The following NEBL variants were observed in gnomAD, a reference collection of about 807,000 sequenced individuals.
NEBL encodes the protein LIM and SH3 protein 2.
Under a neutral mutation model 140.2 loss-of-function variants are expected in NEBL, and 122 were observed. The observed-to-expected ratio is 0.87, with a 90% CI of 0.75 to 1.01. The LOEUF is 1.01. Among genes scored for constraint, NEBL ranks in the 50% least tolerant of loss-of-function variants. The pLI, the probability that NEBL is intolerant of heterozygous loss-of-function variation, is 0.00. For missense variants in NEBL, 1,365 were observed against 1,231.3 expected (o/e 1.11, Z -1.62); for synonymous variants, 436 against 398.9 (o/e 1.09, Z -1.11).
At chr10:20,970,494 A>T (rs1471575346) in intron 3 of NEBL, among the ~76,000 whole-genome samples, 1 of 152,006 alleles carries the variant, frequency 6.6e-6, no homozygotes, top group South Asian at 2.1e-4. Context: ...CCAAAAAAAA[A>T]AATTAGCTGG....
At chr10:20,819,599 C>A in intron 19 of NEBL, 83 bp from the exon 20 acceptor site, 8 of 1,473,318 alleles carry the variant, frequency 5.4e-6, no homozygotes, top group Non-Finnish European at 7.6e-6. Context: ...TTTTAAATGT[C>A]ACATGGCTAC....
At chr10:20,929,626 A>G (rs1471544177) in intron 4 of NEBL, among the ~76,000 whole-genome samples, 2 of 152,130 alleles carry the variant, frequency 1.3e-5, no homozygotes, top group Non-Finnish European at 2.9e-5. Flanking sequence ...ACTGGAGGCC[A>G]TTATCGTTAA....
At chr10:20,979,278 T>C (rs1836935215) in intron 3 of NEBL, among the ~76,000 whole-genome samples, 1 of 151,174 alleles carries the variant, frequency 6.6e-6, no homozygotes, top group Admixed American at 6.6e-5. Flanking sequence ...ATAATACACA[T>C]ATAAGATTGT....
At chr10:21,074,799 TTG>T (rs1835992535) in intron 2 of NEBL, among the ~76,000 whole-genome samples, 2 of 80,342 alleles carry the variant, frequency 2.5e-5, no homozygotes, top group African/African-American at 2.9e-4. Context: ...TATATTTTTG[TTG>T]TTGTTGTTGT....
intron 5 of NEBL, among the ~76,000 whole-genome samples, chr10:20,880,400 C>T (rs1008212202): frequency 3.3e-5 from 5 of 152,044 alleles, no homozygotes; most frequent in Admixed American, 3.3e-4. Flanking sequence ...TACAATATAG[C>T]TGGTGTTCAT....
At chr10:20,874,818 T>C (rs151158982) in intron 5 of NEBL, among the ~76,000 whole-genome samples, 100 of 152,206 alleles carry the variant, frequency 6.6e-4, no homozygotes, top group African/African-American at 2.3e-3. Flanking sequence ...CAGCTCACTG[T>C]AACCTCCACC....
At chr10:20,864,502 G>A (rs1225163394) in intron 7 of NEBL, among the ~76,000 whole-genome samples, 1 of 152,132 alleles carries the variant, frequency 6.6e-6, no homozygotes. Context: ...CAGATAAAAG[G>A]TGAGAATCCT....
At chr10:21,023,457 G>A (rs1375405114) in intron 2 of NEBL, among the ~76,000 whole-genome samples, 1 of 152,126 alleles carries the variant, frequency 6.6e-6, no homozygotes, top group African/African-American at 2.4e-5. Flanking sequence ...ACTTTGGGAG[G>A]ACGAGGCAGG....
At chr10:20,907,471 G>T (rs1340292) in intron 4 of NEBL, among the ~76,000 whole-genome samples, 112,134 of 152,006 alleles carry the variant, frequency 0.74, 41,645 homozygotes, top group African/African-American at 0.82. Context: ...ATAAACATTC[G>T]ATAATTCTCT....
chr10:21,258,848 C>T (rs1842699143), intron 1 of NEBL, among the ~76,000 whole-genome samples: 1 of 152,198 alleles, frequency 6.6e-6, no homozygotes, highest in Admixed American at 6.5e-5. Context: ...CCACTGCACT[C>T]TGGCCTGGGC....
At chr10:20,809,319 C>T (rs1294165092) in intron 25 of NEBL, among the ~76,000 whole-genome samples, 1 of 152,106 alleles carries the variant, frequency 6.6e-6, no homozygotes, top group Non-Finnish European at 1.5e-5. Context: ...GCCAACTATG[C>T]TTGCCATGTA....
At chr10:21,172,561 C>A in intron 1 of NEBL, 2 of 910,242 alleles carry the variant, frequency 2.2e-6, no homozygotes, top group South Asian at 1.4e-5. Flanking sequence ...CTTTTTAGTG[C>A]ATCACAGTCC....
intron 3 of NEBL, among the ~76,000 whole-genome samples, chr10:21,240,813 A>G (rs1406333012): frequency 5.3e-5 from 8 of 152,050 alleles, no homozygotes; most frequent in African/African-American, 1.9e-4. Flanking sequence ...TTGTAAGTTT[A>G]GAAGAAAATA....
chr10:21,202,455 C>CTTTT (rs1589327058), intron 3 of NEBL, among the ~76,000 whole-genome samples: 1 of 125,382 alleles, frequency 8.0e-6, no homozygotes, highest in African/African-American at 3.3e-5. Context: ...TTTTTCTTTT[C>CTTTT]TTTTTCTTTT....
intron 23 of NEBL, 98 bp from the exon 24 acceptor site, chr10:20,813,038 C>T: frequency 1.0e-6 from 1 of 990,908 alleles, no homozygotes; most frequent in East Asian, 2.5e-5. Context: ...TGGCTGCGTG[C>T]AGATTGTCTA....
At chr10:21,007,360 C>T (rs1352065302) in intron 3 of NEBL, among the ~76,000 whole-genome samples, 3 of 152,138 alleles carry the variant, frequency 2.0e-5, no homozygotes, top group Admixed American at 6.5e-5. Context: ...TATGGAGGGT[C>T]CTTCAGTGAG....
intron 2 of NEBL, among the ~76,000 whole-genome samples, chr10:21,100,349 G>A (rs572540576): frequency 6.6e-6 from 1 of 152,304 alleles, no homozygotes; most frequent in Admixed American, 6.5e-5. Flanking sequence ...TCGCCACAGT[G>A]AAGAAGCTGA....
At chr10:20,963,888 C>T (rs1467268086) in intron 3 of NEBL, among the ~76,000 whole-genome samples, 1 of 152,180 alleles carries the variant, frequency 6.6e-6, no homozygotes, top group Non-Finnish European at 1.5e-5. Flanking sequence ...CACAGCCAAG[C>T]CTCTTACCCT....
At chr10:20,881,449 A>G (rs927705478) in intron 4 of NEBL, among the ~76,000 whole-genome samples, 3 of 152,184 alleles carry the variant, frequency 2.0e-5, no homozygotes, top group African/African-American at 4.8e-5. Context: ...GCCATCCATT[A>G]CCACCATGTT....
Sources: gnomAD v4.1 joint callset for allele counts (sites outside exome capture counted in the v4.1 genomes callset) on GRCh38, gnomAD v4.1.1 for gene constraint, MANE v1.5 for transcripts, NCBI Gene and HGNC (gene_info 2026-07-23, HGNC 2026-07-21) for gene names.